ATP8A2: variants seen among roughly 807,000 people sequenced by gnomAD.
ATP8A2 encodes ATPase phospholipid transporting 8A2, also known as phospholipid-transporting ATPase IB.
A neutral mutation model predicts 165.6 loss-of-function variants in ATP8A2; 100 were observed. The ratio of observed to expected loss-of-function variants is 0.60; its 90% CI spans 0.51 to 0.71. The LOEUF (loss-of-function observed/expected upper bound fraction) is 0.71, where lower values mean the gene tolerates loss of function less well. Among genes scored for constraint, ATP8A2 ranks in the 30% least tolerant of loss-of-function variants. The pLI, the probability that ATP8A2 is intolerant of heterozygous loss-of-function variation, is 0.00. For missense variants in ATP8A2, 1,227 were observed against 1,479.5 expected (o/e 0.83, Z 2.80); for synonymous variants, 543 against 548.8 (o/e 0.99, Z 0.15).
intron 24 of ATP8A2, among the ~76,000 whole-genome samples, chr13:25,689,193 C>T (rs2042670176): frequency 6.6e-6 from 1 of 152,164 alleles, no homozygotes; most frequent in Non-Finnish European, 1.5e-5. Context: ...GTGAGGTTTG[C>T]TTTAAAAGTT....
intron 24 of ATP8A2, among the ~76,000 whole-genome samples, chr13:25,601,583 G>A (rs1373882502): frequency 1.3e-5 from 2 of 152,146 alleles, no homozygotes; most frequent in Non-Finnish European, 2.9e-5. Context: ...TCCTGCCTCA[G>A]CCTCTCAAGT....
At chr13:25,655,729 A>T (rs201503764) in intron 24 of ATP8A2, among the ~76,000 whole-genome samples, 1 of 126,172 alleles carries the variant, frequency 7.9e-6, no homozygotes, top group African/African-American at 3.0e-5. Flanking sequence ...AAATCTCTTT[A>T]AAAAAAAAAA....
intron 33 of ATP8A2, among the ~76,000 whole-genome samples, chr13:25,882,914 A>G (rs61947364): frequency 6.6e-6 from 1 of 151,400 alleles, no homozygotes; most frequent in Non-Finnish European, 1.5e-5. Context: ...GATGATGATG[A>G]TGATGATGAT....
At chr13:25,745,818 C>T (rs572600408) in intron 25 of ATP8A2, among the ~76,000 whole-genome samples, 1 of 152,268 alleles carries the variant, frequency 6.6e-6, no homozygotes, top group African/African-American at 2.4e-5. Context: ...AAACAAAAAC[C>T]ACCTGAGTTT....
At chr13:25,792,789 A>G (rs767837987) in intron 27 of ATP8A2, among the ~76,000 whole-genome samples, 2 of 151,708 alleles carry the variant, frequency 1.3e-5, no homozygotes, top group Non-Finnish European at 2.9e-5. Context: ...GGGTGGTGGT[A>G]TGGGCCTGTA....
chr13:25,949,064 G>C (rs1955281285), intron 33 of ATP8A2, among the ~76,000 whole-genome samples: 1 of 152,226 alleles, frequency 6.6e-6, no homozygotes, highest in African/African-American at 2.4e-5. Context: ...TGTGGGAGGA[G>C]GGGTGAGCAA....
chr13:25,487,362 C>T (rs763754929), intron 2 of ATP8A2, among the ~76,000 whole-genome samples: 16 of 152,114 alleles, frequency 1.1e-4, no homozygotes, highest in Non-Finnish European at 1.9e-4. Flanking sequence ...AGGTTCATTT[C>T]GTCTGGGGCA....
At chr13:25,418,175 T>A (rs559163520) in intron 1 of ATP8A2, among the ~76,000 whole-genome samples, 1 of 152,276 alleles carries the variant, frequency 6.6e-6, no homozygotes, top group African/African-American at 2.4e-5. Flanking sequence ...TAGCTCCCAA[T>A]GAATACATAC....
chr13:25,848,115 T>C (rs764856498), intron 30 of ATP8A2, among the ~76,000 whole-genome samples: 9 of 152,260 alleles, frequency 5.9e-5, no homozygotes, highest in Non-Finnish European at 1.0e-4. Context: ...TCCGTGGCGC[T>C]ACCTGGCATG....
intron 35 of ATP8A2, among the ~76,000 whole-genome samples, chr13:26,010,708 G>A (rs977602409): frequency 7.2e-5 from 11 of 152,202 alleles, no homozygotes; most frequent in African/African-American, 2.4e-4. Flanking sequence ...TGCCTTCCAG[G>A]GCAATTGCTC....
chr13:25,977,461 C>T (rs1170887878), intron 35 of ATP8A2, among the ~76,000 whole-genome samples: 1 of 152,108 alleles, frequency 6.6e-6, no homozygotes, highest in Non-Finnish European at 1.5e-5. Context: ...ATGACCCAGC[C>T]GGGCTTCTGG....
At chr13:25,558,873 T>A in intron 13 of ATP8A2, 100 bp from the exon 14 acceptor site, 8 of 769,582 alleles carry the variant, frequency 1.0e-5, no homozygotes, top group Non-Finnish European at 1.6e-5. Flanking sequence ...AATCTACCCG[T>A]TTCATACAGG....
intron 35 of ATP8A2, among the ~76,000 whole-genome samples, chr13:26,012,201 C>A (rs1210770800): frequency 6.6e-6 from 1 of 152,162 alleles, no homozygotes; most frequent in African/African-American, 2.4e-5. Context: ...GAGTGAGGCG[C>A]GGAGATGTTT....
At chr13:25,832,363 CA>C (rs1951500659) in intron 28 of ATP8A2, among the ~76,000 whole-genome samples, 2 of 152,132 alleles carry the variant, frequency 1.3e-5, no homozygotes, top group South Asian at 2.1e-4. Context: ...ATTATTTGAC[CA>C]CTTGCAGAAA....
At chr13:25,755,372 G>C (rs896959111) in intron 25 of ATP8A2, among the ~76,000 whole-genome samples, 2 of 142,960 alleles carry the variant, frequency 1.4e-5, no homozygotes, top group Admixed American at 1.4e-4. Context: ...AAACCCACCT[G>C]TGTCCTGTGG....
At chr13:25,693,846 C>T (rs1338994318) in intron 24 of ATP8A2, among the ~76,000 whole-genome samples, 1 of 152,032 alleles carries the variant, frequency 6.6e-6, no homozygotes, top group Non-Finnish European at 1.5e-5. Context: ...TGTGCCACCA[C>T]ACTTTTCTAA....
intron 1 of ATP8A2, among the ~76,000 whole-genome samples, chr13:25,426,861 G>A (rs538444092): frequency 4.1e-4 from 62 of 152,090 alleles, no homozygotes; most frequent in African/African-American, 1.4e-3. Context: ...GAGGAGAATC[G>A]ACTGAATCTG....
intron 1 of ATP8A2, among the ~76,000 whole-genome samples, chr13:25,465,765 CTCTCTT>C: frequency 8.8e-6 from 1 of 113,862 alleles, no homozygotes; most frequent in African/African-American, 3.5e-5. Flanking sequence ...CTCTCTCTTT[CTCTCTT>C]TCTCTCTTTC....
At chr13:25,804,740 C>G (rs191777106) in intron 27 of ATP8A2, among the ~76,000 whole-genome samples, 1 of 152,032 alleles carries the variant, frequency 6.6e-6, no homozygotes, top group African/African-American at 2.4e-5. Context: ...TTCTGGGTGC[C>G]GAGCTGCCAC....
Sources: allele counts gnomAD v4.1 joint callset (sites outside exome capture counted in the v4.1 genomes callset), GRCh38; gene constraint gnomAD v4.1.1; transcripts MANE v1.5; gene names NCBI Gene and HGNC (gene_info 2026-07-23, HGNC 2026-07-21).